The following NAV3 variants were observed in gnomAD, a reference collection of about 807,000 sequenced individuals.
NAV3 encodes the protein neuron navigator 3.
Under a neutral mutation model 244.7 loss-of-function variants are expected in NAV3, and 87 were observed. The ratio of observed to expected loss-of-function variants is 0.36; its 90% CI spans 0.30 to 0.42. NAV3 has a LOEUF of 0.42. Among genes scored for constraint, NAV3 ranks in the 20% least tolerant of loss-of-function variants. The probability of loss-of-function intolerance (pLI) is 1.00; values close to 1 mark genes in which losing one functional copy is unlikely to be tolerated. For synonymous variants in NAV3, 1,126 were observed against 1,042.2 expected, an observed-to-expected ratio of 1.08 and a Z score of -1.55; for missense variants, 2,663 against 2,893.3, an observed-to-expected ratio of 0.92 and a Z score of 1.83.
intron 2 of NAV3, among the ~76,000 whole-genome samples, chr12:77,627,578 G>T (rs1400892674): frequency 6.6e-6 from 1 of 152,040 alleles, no homozygotes; most frequent in Non-Finnish European, 1.5e-5. Context: ...AAACTAAACA[G>T]ACCAATACTA....
chr12:78,177,214 A>C lies in NAV3; in HGVS notation c.5198A>C (p.Glu1733Ala), dbSNP rs768127729. 5 of 1,613,398 alleles carry C rather than the reference A, an allele frequency of 3.1e-6. No individual in the cohort carries two copies. In the African/African-American group the frequency reaches 5.3e-5, roughly 17 times the overall value. Residue 1733 changes from glutamate (E) to alanine (A), a missense_variant, in exon 27 of 40, where the codon GAA becomes GCA. This residue lies in a region of NAV3 where 193 missense variants were observed against 200.7 expected (regional missense o/e 0.96). Transcript: ENST00000397909. ...CCTCCTTCATCACATTCTGACATTG[A>C]AGAGCTTACTGATTCATCCCTTCCG... The part of the protein sequence containing the change: ...TKPPSSHSDI[E>A]ELTDSSLPAS...
intron 2 of NAV3, among the ~76,000 whole-genome samples, chr12:77,733,498 A>T (rs1378498446): frequency 6.6e-6 from 1 of 152,052 alleles, no homozygotes; most frequent in Non-Finnish European, 1.5e-5. Flanking sequence ...GTTTCACCAT[A>T]TAAATCACCT....
At chr12:77,598,399 A>G (rs1870266952) in intron 2 of NAV3, among the ~76,000 whole-genome samples, 1 of 152,028 alleles carries the variant, frequency 6.6e-6, no homozygotes, top group South Asian at 2.1e-4. Context: ...TAATAACTCA[A>G]CAGTTGCTAA....
At chr12:78,052,459 A>G (rs1373825003) in intron 11 of NAV3, among the ~76,000 whole-genome samples, 1 of 152,154 alleles carries the variant, frequency 6.6e-6, no homozygotes, top group East Asian at 1.9e-4. Flanking sequence ...ACGTATCCAA[A>G]TTAGTTTTTG....
intron 1 of NAV3, among the ~76,000 whole-genome samples, chr12:77,843,959 C>T (rs1204737145): frequency 1.3e-5 from 2 of 152,210 alleles, no homozygotes; most frequent in African/African-American, 4.8e-5. Context: ...GAGGAAAGGC[C>T]GATACATAAA....
chr12:77,795,200 A>G (rs1871352534), intron 2 of NAV3, among the ~76,000 whole-genome samples: 1 of 152,132 alleles, frequency 6.6e-6, no homozygotes, highest in African/African-American at 2.4e-5. Flanking sequence ...AGAAAGCAAA[A>G]CTGCCTTATT....
At chr12:77,642,953 A>C (rs1279112406) in intron 2 of NAV3, among the ~76,000 whole-genome samples, 2 of 152,048 alleles carry the variant, frequency 1.3e-5, no homozygotes, top group Non-Finnish European at 2.9e-5. Context: ...ATTTTCATAA[A>C]TCTTTTATAA....
intron 2 of NAV3, among the ~76,000 whole-genome samples, chr12:77,586,036 C>T (rs1221379690): frequency 6.6e-6 from 1 of 152,088 alleles, no homozygotes; most frequent in Non-Finnish European, 1.5e-5. Context: ...GTGGCGGGTG[C>T]CTGTAGTCCC....
intron 2 of NAV3, among the ~76,000 whole-genome samples, chr12:77,744,219 T>C (rs1868420959): frequency 6.6e-6 from 1 of 151,942 alleles, no homozygotes; most frequent in African/African-American, 2.4e-5. Context: ...AAAGGATAGA[T>C]ATGTAGATCA....
intron 3 of NAV3, among the ~76,000 whole-genome samples, chr12:77,957,987 ACT>A (rs1891529401): frequency 6.6e-6 from 1 of 152,090 alleles, no homozygotes; most frequent in Non-Finnish European, 1.5e-5. Flanking sequence ...TCTAATACAC[ACT>A]CTATGGTTGA....
intron 9 of NAV3, among the ~76,000 whole-genome samples, chr12:78,041,683 A>T (rs1593362499): frequency 6.6e-6 from 1 of 152,352 alleles, no homozygotes; most frequent in East Asian, 1.9e-4. Flanking sequence ...TGTGAGACAG[A>T]TGAATGCTAT....
intron 1 of NAV3, among the ~76,000 whole-genome samples, chr12:77,922,229 T>C (rs916998942): frequency 6.6e-6 from 1 of 152,152 alleles, no homozygotes; most frequent in African/African-American, 2.4e-5. Flanking sequence ...CCTCTGTGTT[T>C]TGAAATTTTT....
chr12:78,133,072 G>C (rs1243240871), intron 18 of NAV3, among the ~76,000 whole-genome samples: 2 of 152,048 alleles, frequency 1.3e-5, no homozygotes, highest in African/African-American at 4.8e-5. Flanking sequence ...AATTGCAGCA[G>C]ATTTTAAATT....
rs72076222 is a variant in NAV3, at chr12:77,879,685, CAAAAAAAAA to C, written c.243+47996_243+48004del. Among the ~76,000 whole-genome samples the C allele has an allele frequency of 1.5e-3, 127 of 85,074 alleles. 1 individual carries two copies. Among genetic ancestry groups the C allele is most frequent in the African/African-American group, 4.9e-3 (110 of 22,630 alleles). 55.8% of individuals were successfully genotyped at this position (85,074 alleles called of 152,430 possible). On this transcript the variant is annotated intron_variant, in intron 1 of 39. Transcript: ENST00000397909. ...GAAAGAGCGAAGTGAAACTCCATCT[CAAAAAAAAA>C]AAAAAAAAAAAAAAGGAAATTATTT... is the stretch of plus-strand genomic sequence containing the variant.
chr12:77,929,331 A>G (rs932682077), intron 1 of NAV3, among the ~76,000 whole-genome samples: 12 of 152,154 alleles, frequency 7.9e-5, no homozygotes, highest in Non-Finnish European at 1.5e-4. Context: ...CCATTCCATT[A>G]GCCTGTCAAA....
chr12:78,033,085 G>A (rs1327138334), intron 9 of NAV3, among the ~76,000 whole-genome samples: 1 of 152,126 alleles, frequency 6.6e-6, no homozygotes, highest in Non-Finnish European at 1.5e-5. Context: ...ATTATTGGTT[G>A]AATTCAGGAA....
At chr12:78,177,345 A>AT (rs1565764728) in intron 27 of NAV3, 32 bp downstream of exon 27, 12 of 1,588,234 alleles carry the variant, frequency 7.6e-6, no homozygotes, top group Non-Finnish European at 1.0e-5. Context: ...ATGCAGACAT[A>AT]TTTTTTAAAA....
intron 2 of NAV3, among the ~76,000 whole-genome samples, chr12:77,729,901 C>T (rs1877047220): frequency 6.6e-6 from 1 of 151,898 alleles, no homozygotes; most frequent in African/African-American, 2.4e-5. Flanking sequence ...CCTTCTTTAC[C>T]CAGGATGCTA....
At chr12:77,826,491 C>T (rs564940307), upstream of NAV3, among the ~76,000 whole-genome samples, 5 of 152,020 alleles carry the variant, frequency 3.3e-5, no homozygotes, top group Admixed American at 1.3e-4. Context: ...GACTCTGTCC[C>T]CCTCCCCCCA....
Sources: allele counts gnomAD v4.1 joint callset (sites outside exome capture counted in the v4.1 genomes callset), GRCh38; gene constraint gnomAD v4.1.1; regional missense constraint gnomAD v4.1.1; transcripts MANE v1.5; gene names NCBI Gene and HGNC (gene_info 2026-07-23, HGNC 2026-07-21).